CYP2C8: variants seen among roughly 807,000 people sequenced by gnomAD.
CYP2C8 encodes the protein cytochrome P450 family 2 subfamily C member 8, also known as cytochrome P450 2C8.
A neutral mutation model predicts 41.3 loss-of-function variants in CYP2C8; 51 were observed. The ratio of observed to expected loss-of-function variants is 1.24; its 90% CI spans 0.99 to 1.56. The LOEUF is 1.56. CYP2C8 is among the 40% of genes most tolerant of loss of function. The probability of loss-of-function intolerance (pLI) is 0.00; values close to 1 mark genes in which losing one functional copy is unlikely to be tolerated. For missense variants in CYP2C8, 651 were observed against 579.9 expected (o/e 1.12, Z -1.26); for synonymous variants, 218 against 205.8 (o/e 1.06, Z -0.51).
intron 5 of CYP2C8, among the ~76,000 whole-genome samples, chr10:95,051,417 G>C (rs915186643): frequency 6.6e-6 from 1 of 152,094 alleles, no homozygotes; most frequent in Admixed American, 6.6e-5. Context: ...AGGAGGTAGA[G>C]AAAGAGAAGG....
intron 4 of CYP2C8, among the ~76,000 whole-genome samples, chr10:95,061,758 C>G (rs1013235847): frequency 1.1e-4 from 17 of 152,194 alleles, no homozygotes; most frequent in Non-Finnish European, 1.8e-4. Context: ...ATCTTTCCTG[C>G]TTTCTCTTGT....
At chr10:95,050,773 T>TA (rs1479612221) in intron 5 of CYP2C8, among the ~76,000 whole-genome samples, 2 of 152,078 alleles carry the variant, frequency 1.3e-5, no homozygotes, top group African/African-American at 2.4e-5. Flanking sequence ...TCCCATTTAT[T>TA]AAAAAAAGTG....
chr10:95,040,182 CTA>C (rs982377071), intron 7 of CYP2C8, among the ~76,000 whole-genome samples: 7 of 152,082 alleles, frequency 4.6e-5, no homozygotes, highest in Admixed American at 1.3e-4. Flanking sequence ...CTGAGTGTGA[CTA>C]TTATTGTGTA....
intron 5 of CYP2C8, among the ~76,000 whole-genome samples, chr10:95,046,443 A>G (rs2033110896): frequency 6.6e-6 from 1 of 152,066 alleles, no homozygotes; most frequent in Non-Finnish European, 1.5e-5. Flanking sequence ...GGGGGGGCAC[A>G]CTCACATTTA....
chr10:95,053,055 A>T (rs1564737430), intron 5 of CYP2C8, among the ~76,000 whole-genome samples: 1 of 152,196 alleles, frequency 6.6e-6, no homozygotes, highest in Admixed American at 6.5e-5. Context: ...AGACTCCACT[A>T]AAAAACTATG....
intron 1 of CYP2C8, chr10:95,068,719 ACAAAATGCAT>A: frequency 3.9e-6 from 3 of 765,696 alleles, no homozygotes; most frequent in Non-Finnish European, 3.9e-6. Flanking sequence ...TTCTGTATTC[ACAAAATGCAT>A]CAACTCACTC....
intron 5 of CYP2C8, among the ~76,000 whole-genome samples, chr10:95,049,473 T>C (rs1192463825): frequency 6.6e-6 from 1 of 152,096 alleles, no homozygotes; most frequent in African/African-American, 2.4e-5. Context: ...TTATAGAGCA[T>C]AAAATTAGTG....
At chr10:95,063,058 G>T (rs2033474140) in intron 4 of CYP2C8, among the ~76,000 whole-genome samples, 1 of 152,140 alleles carries the variant, frequency 6.6e-6, no homozygotes, top group Admixed American at 6.5e-5. Context: ...CTTTCTCAAT[G>T]GCTACCCTTA....
At chr10:95,060,768 C>T (rs11188167) in intron 4 of CYP2C8, among the ~76,000 whole-genome samples, 104,421 of 152,000 alleles carry the variant, frequency 0.69, 36,587 homozygotes, top group Middle Eastern at 0.84. Flanking sequence ...CAGTATGATA[C>T]TGGCTGTGGG....
intron 5 of CYP2C8, among the ~76,000 whole-genome samples, chr10:95,048,744 G>T (rs1428941814): frequency 2.6e-5 from 4 of 152,130 alleles, no homozygotes; most frequent in Non-Finnish European, 5.9e-5. Context: ...TGGGATTTGT[G>T]CTTGGCTGAT....
At chr10:95,048,271 G>C (rs2033147911) in intron 5 of CYP2C8, among the ~76,000 whole-genome samples, 2 of 152,076 alleles carry the variant, frequency 1.3e-5, no homozygotes. Flanking sequence ...TGACATCTTT[G>C]TCAGCCAACT....
At chr10:95,039,663 G>A (rs2032957276) in intron 7 of CYP2C8, among the ~76,000 whole-genome samples, 2 of 152,096 alleles carry the variant, frequency 1.3e-5, no homozygotes, top group African/African-American at 4.8e-5. Context: ...AGAACCGTTG[G>A]GTGTGTGATT....
chr10:95,068,623 A>G, intron 1 of CYP2C8: 1 of 1,289,036 alleles, frequency 7.8e-7, no homozygotes, highest in African/African-American at 1.5e-5. Context: ...AAATCATAGC[A>G]AAACACTGTG....
At chr10:95,049,006 G>A (rs2033163368) in intron 5 of CYP2C8, among the ~76,000 whole-genome samples, 1 of 152,002 alleles carries the variant, frequency 6.6e-6, no homozygotes, top group East Asian at 1.9e-4. Flanking sequence ...CACAGTAAAA[G>A]AAATGACAAG....
intron 5 of CYP2C8, among the ~76,000 whole-genome samples, chr10:95,056,103 A>G (rs750699936): frequency 1.3e-4 from 20 of 152,106 alleles, no homozygotes; most frequent in Non-Finnish European, 2.2e-4. Context: ...CAAAATAAAT[A>G]AATAAAATAA....
intron 3 of CYP2C8, 141 bp downstream of exon 3, chr10:95,067,067 C>T: frequency 8.4e-7 from 1 of 1,189,020 alleles, no homozygotes; most frequent in Non-Finnish European, 1.3e-6. Context: ...TGTCTCTGTG[C>T]TTCAAATCTC....
intron 7 of CYP2C8, among the ~76,000 whole-genome samples, chr10:95,041,232 T>G (rs2032988175): frequency 6.6e-6 from 1 of 152,212 alleles, no homozygotes; most frequent in African/African-American, 2.4e-5. Context: ...ACTAAAATCT[T>G]AAAGATTTCT....
chr10:95,042,172 A>G (rs1934983), intron 7 of CYP2C8, among the ~76,000 whole-genome samples: 39,973 of 152,142 alleles, frequency 0.26, 5,468 homozygotes, highest in Non-Finnish European at 0.29. Flanking sequence ...TGCTAACCTG[A>G]AAATCCTAGC....
intron 1 of CYP2C8, 130 bp downstream of exon 1, chr10:95,069,104 GT>G: frequency 9.6e-7 from 1 of 1,039,934 alleles, no homozygotes; most frequent in Non-Finnish European, 1.5e-6. Flanking sequence ...CATCAAAGAA[GT>G]TCAGAGGGAG....
Sources: allele counts gnomAD v4.1 joint callset (sites outside exome capture counted in the v4.1 genomes callset), GRCh38; gene constraint gnomAD v4.1.1; transcripts MANE v1.5; gene names NCBI Gene and HGNC (gene_info 2026-07-23, HGNC 2026-07-21).